Variants in TRIP4 observed in about 807,000 individuals in gnomAD.
TRIP4 encodes the protein thyroid hormone receptor interactor 4, also known as activating signal cointegrator 1.
A neutral mutation model predicts 81.8 loss-of-function variants in TRIP4; 54 were observed. That is an observed-to-expected ratio of 0.66 (90% confidence interval 0.53 to 0.83). TRIP4 has a LOEUF of 0.83. Among genes scored for constraint, TRIP4 ranks in the 40% least tolerant of loss-of-function variants. The pLI is 0.00. For synonymous variants in TRIP4, 270 were observed against 242.8 expected (o/e 1.11, Z -1.04); for missense variants, 662 against 683.6 (o/e 0.97, Z 0.35).
chr15:64,400,704 A>G lies in TRIP4; in HGVS notation c.619-39A>G, dbSNP rs937435828. 4.7e-6 allele frequency: 7 copies of G among 1,503,234 alleles called. No homozygotes were observed. In the African/African-American group the frequency reaches 6.9e-5, roughly 15 times the overall value. 93.1% of individuals were successfully genotyped at this position (1,503,234 alleles called of 1,614,324 possible). ...ATATATCAAGAAAGCAATATAATTT[A>G]ACTGTTGGATCACATGTCTTACTCT... On this transcript the variant is annotated intron_variant, in intron 4 of 12. Transcript: ENST00000261884.
At chr15:64,417,378 T>C (rs571545656) in intron 8 of TRIP4, among the ~76,000 whole-genome samples, 1 of 152,094 alleles carries the variant, frequency 6.6e-6, no homozygotes, top group South Asian at 2.1e-4. Context: ...ACTTATGGGC[T>C]CAAGTGATCC....
rs765423259 is a variant in TRIP4 at position 64,409,639 on chromosome 15, A to T, written c.854A>T (p.Asp285Val). The T allele has an allele frequency of 7.4e-6, 12 of 1,614,072 alleles. No individual in the cohort carries two copies. ...ATTCGAAGGACCCAAGTCATTGATG[A>T]TGAGTCAGATTACTTTGCCAGTGAT... ...TSIRRTQVID[D>V]ESDYFASDSN... Residue 285 changes from aspartate to valine, a missense_variant, in exon 7 of 13, where the codon GAT becomes GTT. Coordinates refer to ENST00000261884, the MANE Select transcript of TRIP4 (RefSeq NM_016213.5).
intron 9 of TRIP4, among the ~76,000 whole-genome samples, chr15:64,421,689 A>T (rs919850790): frequency 1.3e-5 from 2 of 152,108 alleles, no homozygotes; most frequent in Admixed American, 6.6e-5. Context: ...ATAGTTAACC[A>T]CTGTGCTCCA....
intron 11 of TRIP4, among the ~76,000 whole-genome samples, chr15:64,426,964 C>T (rs182311733): frequency 2.4e-4 from 37 of 152,018 alleles, no homozygotes; most frequent in African/African-American, 8.4e-4. Flanking sequence ...CATGCCACTG[C>T]GCTCCAGCCT....
intron 11 of TRIP4, among the ~76,000 whole-genome samples, chr15:64,437,265 A>AG (rs1892422641): frequency 6.7e-6 from 1 of 149,080 alleles, no homozygotes; most frequent in Admixed American, 6.7e-5. Context: ...CTAAAGATTA[A>AG]AAAAAAAATT....
At chr15:64,407,339 A>G (rs1891650563) in intron 6 of TRIP4, among the ~76,000 whole-genome samples, 2 of 152,142 alleles carry the variant, frequency 1.3e-5, no homozygotes, top group South Asian at 2.1e-4. Context: ...TTTCAGTATC[A>G]CATTTCACCC....
chr15:64,433,958 T>C (rs1297525027), intron 11 of TRIP4, among the ~76,000 whole-genome samples: 2 of 152,034 alleles, frequency 1.3e-5, no homozygotes, highest in African/African-American at 2.4e-5. Context: ...TAGTGTATTT[T>C]ATGTGTGGCC....
intron 3 of TRIP4, among the ~76,000 whole-genome samples, chr15:64,395,760 A>G (rs1267059284): frequency 6.7e-6 from 1 of 149,592 alleles, no homozygotes; most frequent in Non-Finnish European, 1.5e-5. Flanking sequence ...TTTTTTCCCC[A>G]AGACAGAGTC....
At chr15:64,424,411 T>G in intron 10 of TRIP4, 1 of 410,510 alleles carries the variant, frequency 2.4e-6, no homozygotes, top group Non-Finnish European at 4.4e-6. Flanking sequence ...GAAAATCATC[T>G]TCTTTACTCT....
chr15:64,432,257 GT>G (rs936365647), intron 11 of TRIP4, among the ~76,000 whole-genome samples: 2 of 151,856 alleles, frequency 1.3e-5, no homozygotes, highest in African/African-American at 4.8e-5. Context: ...TGTATTTAGT[GT>G]TTTGGTTTTC....
intron 6 of TRIP4, among the ~76,000 whole-genome samples, chr15:64,407,133 C>G (rs1891640974): frequency 6.6e-6 from 1 of 152,032 alleles, no homozygotes; most frequent in Non-Finnish European, 1.5e-5. Context: ...GCTCCCTTCT[C>G]AAATGACTCT....
chr15:64,449,290 GTT>G (rs568955135), intron 12 of TRIP4, among the ~76,000 whole-genome samples: 1 of 137,582 alleles, frequency 7.3e-6, no homozygotes, highest in Non-Finnish European at 1.6e-5. Flanking sequence ...GTTTGTTTTT[GTT>G]TTTTTTTTTT....
At chr15:64,421,314 G>T (rs1460407827) in intron 9 of TRIP4, among the ~76,000 whole-genome samples, 1 of 150,020 alleles carries the variant, frequency 6.7e-6, no homozygotes, top group African/African-American at 2.4e-5. Flanking sequence ...ATATTTTTAC[G>T]CTACCTTTTA....
At chr15:64,404,884 C>T (rs1891588963) in intron 5 of TRIP4, among the ~76,000 whole-genome samples, 1 of 151,824 alleles carries the variant, frequency 6.6e-6, no homozygotes, top group South Asian at 2.1e-4. Context: ...TGGGCTCTCA[C>T]CATGTTGCCC....
At chr15:64,454,294 G>A (rs900153057) in intron 12 of TRIP4, among the ~76,000 whole-genome samples, 7 of 152,116 alleles carry the variant, frequency 4.6e-5, no homozygotes, top group Non-Finnish European at 8.8e-5. Context: ...CTAATGAGAT[G>A]GATGGTTCCT....
At chr15:64,390,957 G>A (rs928121761) in intron 1 of TRIP4, among the ~76,000 whole-genome samples, 1 of 151,900 alleles carries the variant, frequency 6.6e-6, no homozygotes. Flanking sequence ...CATGTATTAC[G>A]CTAAGATACT....
chr15:64,432,821 G>A (rs1892306930), intron 11 of TRIP4, among the ~76,000 whole-genome samples: 2 of 151,760 alleles, frequency 1.3e-5, no homozygotes, highest in Admixed American at 1.3e-4. Context: ...TGAGGCAGGA[G>A]AATCTCTTGA....
chr15:64,399,319 T>C (rs1182923469), intron 4 of TRIP4, among the ~76,000 whole-genome samples: 2 of 152,020 alleles, frequency 1.3e-5, no homozygotes, highest in Non-Finnish European at 2.9e-5. Flanking sequence ...AAATGTAGTG[T>C]CTACCAATAA....
chr15:64,450,060 T>C (rs1596366479), intron 12 of TRIP4, among the ~76,000 whole-genome samples: 1 of 152,288 alleles, frequency 6.6e-6, no homozygotes, highest in East Asian at 1.9e-4. Flanking sequence ...GAGGATGTAT[T>C]GTATGTCACT....
Sources: gnomAD v4.1 joint callset for allele counts (sites outside exome capture counted in the v4.1 genomes callset) on GRCh38, gnomAD v4.1.1 for gene constraint, MANE v1.5 for transcripts, NCBI Gene and HGNC (gene_info 2026-07-23, HGNC 2026-07-21) for gene names.